Variants in SEMA3B observed in about 807,000 individuals in gnomAD.
SEMA3B encodes the protein semaphorin 3B.
A neutral mutation model predicts 77.8 loss-of-function variants in SEMA3B; 71 were observed. The observed-to-expected ratio is 0.91, with a 90% CI of 0.75 to 1.11. The LOEUF (loss-of-function observed/expected upper bound fraction) is 1.11. Ranked by LOEUF, SEMA3B falls within the 50% of genes most tolerant of loss-of-function variation. The pLI is 0.00. For synonymous variants in SEMA3B, 470 were observed against 452.9 expected (o/e 1.04, Z -0.48); for missense variants, 968 against 1,056.8 (o/e 0.92, Z 1.17).
rs782659663 is a variant in SEMA3B at position 50,273,866 on chromosome 3, G to A, written c.992+38G>A. The A allele has an allele frequency of 6.4e-7, 1 of 1,568,046 alleles. No individual in the cohort carries two copies. Among genetic ancestry groups the A allele is most frequent in the South Asian group, 1.2e-5 (1 of 86,664 alleles). On this transcript the variant is annotated intron_variant, in intron 9 of 16. Coordinates refer to ENST00000616701, the MANE Select transcript of SEMA3B (RefSeq NM_001290060.2). This position sits in a 1 kb window ranked among gnomAD's most constrained non-coding sequence, Gnocchi z 6.5. The stretch of plus-strand genomic sequence containing the variant: ...AGGTAGGGAGCGCCCGGGGCGGGCC[G>A]CTGGGCTCCACCCGGCCCCTCACCT...
upstream of SEMA3B, among the ~76,000 whole-genome samples, chr3:50,266,034 T>G (rs950550757): frequency 4.8e-3 from 719 of 149,450 alleles, 6 homozygotes; most frequent in African/African-American, 0.017. Context: ...GGCGGGGGGG[T>G]TTCTGATACC....
chr3:50,261,707 TC>T, the SEMA3B span: 1 of 152,248 alleles, frequency 6.6e-6, no homozygotes, highest in African/African-American at 2.4e-5. Context: ...CTGGAAGAAG[TC>T]CCATGTTCCA....
rs1259708572 is a variant in SEMA3B at position 50,270,652 on chromosome 3, C to A, written c.330+157C>A. The A allele has an allele frequency of 8.7e-7, 1 of 1,151,066 alleles. No homozygotes were observed. The highest frequency in any genetic ancestry group is 1.2e-6 in the Non-Finnish European group (1 of 822,414). 71.3% of individuals were successfully genotyped at this position (1,151,066 alleles called of 1,614,324 possible). A position where few individuals can be genotyped will look rare whatever the true frequency, so the allele number is the denominator to read the frequency against. Reference sequence around the variant, plus strand: ...GGGGTGGTGAGTCAGGGTGGGGGCTCGTGTAATTCTTCTGGGGTGCCTCTG... The same window carrying A: ...GGGGTGGTGAGTCAGGGTGGGGGCTAGTGTAATTCTTCTGGGGTGCCTCTG... On this transcript the variant is annotated intron_variant, in intron 3 of 16. Transcript: ENST00000616701. This position sits in a 1 kb window ranked among gnomAD's most constrained non-coding sequence, Gnocchi z 4.7.
Position 50,275,116 on chromosome 3 carries a change from C to A in SEMA3B, c.1491+63C>A. The A allele has an allele frequency of 6.6e-7, 1 of 1,517,246 alleles. No individual in the cohort carries two copies. The highest frequency in any genetic ancestry group is 1.3e-5 in the South Asian group (1 of 76,714). The allele number at this position is 1,517,246 out of a possible 1,614,324, so 94.0% of individuals were successfully genotyped here. On this transcript the variant is annotated intron_variant, in intron 13 of 16. Coordinates refer to ENST00000616701, the MANE Select transcript of SEMA3B (RefSeq NM_001290060.2). The surrounding 1 kb of genome is among the most constrained non-coding windows in gnomAD (Gnocchi z 7.5). ...GAGCTTGTGCCTGGCGCGTCCCAAG[C>A]CTCTGGCCCCTTTTGGTAGTTTGCA... is the stretch of plus-strand genomic sequence containing the variant.
chr3:50,262,790 T>A (rs1553704114), upstream of SEMA3B, among the ~76,000 whole-genome samples: 2 of 152,200 alleles, frequency 1.3e-5, no homozygotes, highest in African/African-American at 2.4e-5. Context: ...CCTGGGGGAC[T>A]GGGACAGGGT....
chr3:50,271,385 C>G lies in SEMA3B; in HGVS notation c.569C>G (p.Ala190Gly), dbSNP rs1275422094. ...GGGGAGGAGCTATACTCAGGGGTGGCAGCAGACCTCATGGGACGAGACTTT... is the reference window on the plus strand; with the variant it reads ...GGGGAGGAGCTATACTCAGGGGTGGGAGCAGACCTCATGGGACGAGACTTT... ...LVGEELYSGVAADLMGRDFTI... is the reference protein window; with the variant it reads ...LVGEELYSGVGADLMGRDFTI... Residue 190 changes from alanine (A) to glycine (G), a missense_variant, in exon 6 of 17, where the codon GCA becomes GGA. By Grantham distance (60) the Ala-to-Gly change is moderately conservative. Transcript: ENST00000616701. 1.3e-6 allele frequency: 2 copies of G among 1,586,214 alleles called. No individual in the cohort carries two copies. The highest frequency in any genetic ancestry group is 1.7e-6 in the Non-Finnish European group (2 of 1,166,420).
Position 50,276,467 on chromosome 3 carries a change from C to T in SEMA3B, c.2011C>T (p.Leu671=). Residue 671 remains leucine (L), a synonymous_variant, in exon 17 of 17, where the codon CTG becomes TTG. Coordinates refer to ENST00000616701, the MANE Select transcript of SEMA3B (RefSeq NM_001290060.2). The surrounding 1 kb of genome is among the most constrained non-coding windows in gnomAD (Gnocchi z 5.8). ...GTTGAGTGCTACGCAGGCCGAACGACTGGCGCGGGCCGAGGAGGCTGCGCC... is the reference window on the plus strand; with the variant it reads ...GTTGAGTGCTACGCAGGCCGAACGATTGGCGCGGGCCGAGGAGGCTGCGCC... The part of the protein sequence containing the change: ...HVLSATQAER[L]ARAEEAAPAA... The T allele has an allele frequency of 1.3e-6, 2 of 1,532,324 alleles. No homozygotes were observed. The allele number at this position is 1,532,324 out of a possible 1,614,324, so 94.9% of individuals were successfully genotyped here. A position where few individuals can be genotyped will look rare whatever the true frequency, so the allele number is the denominator to read the frequency against.
Position 50,276,509 on chromosome 3 carries a change from C to T in SEMA3B, c.2053C>T (p.Pro685Ser). 6.5e-7 allele frequency: 1 copy of T among 1,532,648 alleles called. No individual in the cohort carries two copies. The allele number at this position is 1,532,648 out of a possible 1,614,324, so 94.9% of individuals were successfully genotyped here. The change falls in exon 17 of 17, where the codon CCC (proline) becomes TCC (serine). Residue 685 changes from proline to serine, a missense_variant. Physicochemically the swap from Pro to Ser is moderately conservative, Grantham distance 74. Coordinates refer to ENST00000616701, the MANE Select transcript of SEMA3B (RefSeq NM_001290060.2). The surrounding 1 kb of genome is among the most constrained non-coding windows in gnomAD (Gnocchi z 5.8). ...EEAAPAAPPG[P>S]KLWYRDFLQL... ...GGCTGCGCCCGCCGCGCCGCCGGGC[C>T]CCAAACTCTGGTACCGGGACTTTCT... is the stretch of plus-strand genomic sequence containing the variant.
At chr3:50,266,113 G>A (rs916847081), upstream of SEMA3B, among the ~76,000 whole-genome samples, 1 of 152,170 alleles carries the variant, frequency 6.6e-6, no homozygotes, top group Non-Finnish European at 1.5e-5. Context: ...CCCTGGGCCT[G>A]GAAAAACATA....
Position 50,271,168 on chromosome 3 carries a change from C to A in SEMA3B, c.531C>A (p.Ala177=). The A allele has an allele frequency of 6.3e-7, 1 of 1,575,230 alleles. No homozygotes were observed. Among genetic ancestry groups the A allele is most frequent in the East Asian group, 2.3e-5 (1 of 42,870 alleles). Reference sequence around the variant, plus strand: ...CTTATGACCCCAGGCATCGGGCTGCCTCCGTGCTGGTGGGTGAGTCCAAGG... The same window carrying A: ...CTTATGACCCCAGGCATCGGGCTGCATCCGTGCTGGTGGGTGAGTCCAAGG... ...KSPYDPRHRA[A]SVLVGEELYS... Residue 177 remains alanine, a synonymous_variant, in exon 5 of 17, where the codon GCC becomes GCA. Transcript: ENST00000616701.
Position 50,270,466 on chromosome 3 carries a change from G to A in SEMA3B, c.301G>A (p.Glu101Lys). 6.2e-7 allele frequency: 1 copy of A among 1,613,724 alleles called. No individual in the cohort carries two copies. Among genetic ancestry groups the A allele is most frequent in the Non-Finnish European group, 8.5e-7 (1 of 1,179,870 alleles). ...AWPAPVEWRE[E>K]CNWAGKDIGT... ...GCCGGCCCCTGTGGAATGGCGAGAG[G>A]AGTGCAACTGGGCAGGGAAGGACAT... Residue 101 changes from glutamate (E) to lysine (K), a missense_variant, in exon 3 of 17, where the codon GAG becomes AAG. Glu to Lys is a moderately conservative substitution (Grantham distance 56). Transcript: ENST00000616701. The surrounding 1 kb of genome is among the most constrained non-coding windows in gnomAD (Gnocchi z 4.7).
chr3:50,266,743 G>A (rs1226747558), upstream of SEMA3B: 1 of 152,170 alleles, frequency 6.6e-6, no homozygotes, highest in Admixed American at 6.5e-5. Context: ...TTACAAATGG[G>A]GCACGTTCAC....
Position 50,276,401 on chromosome 3 carries a change from C to G in SEMA3B, c.1945C>G (p.Gln649Glu). ...CGTGTACTTGTGCGCCGCCGTCGAG[C>G]AGGGCTTTACGCAACCGCTGCGTCG... is the stretch of plus-strand genomic sequence containing the variant. ...SGVYLCAAVE[Q>E]GFTQPLRRLS... The change falls in exon 17 of 17, where the codon CAG becomes GAG. Residue 649 changes from glutamine (Q) to glutamate (E), a missense_variant. Gln to Glu is a conservative substitution (Grantham distance 29, BLOSUM62 2). Coordinates refer to ENST00000616701, the MANE Select transcript of SEMA3B (RefSeq NM_001290060.2). This position sits in a 1 kb window ranked among gnomAD's most constrained non-coding sequence, Gnocchi z 5.8. 1 of 1,536,606 alleles carries G rather than the reference C, an allele frequency of 6.5e-7. No individual in the cohort carries two copies. The highest frequency in any genetic ancestry group is 8.7e-7 in the Non-Finnish European group (1 of 1,145,872).
At position 50,270,052 on chromosome 3, in the gene SEMA3B, G is replaced by A; in HGVS notation, c.110-75G>A. The A allele has an allele frequency of 7.0e-7, 1 of 1,435,718 alleles. No homozygotes were observed. The highest frequency in any genetic ancestry group is 9.2e-7 in the Non-Finnish European group (1 of 1,088,672). The allele number at this position is 1,435,718 out of a possible 1,614,324, so 88.9% of individuals were successfully genotyped here. A position where few individuals can be genotyped will look rare whatever the true frequency, so the allele number is the denominator to read the frequency against. ...GTCCTAATGGCAACCTTGGCCGATAGAGTCACCACCAGGCAGGACCTGGGG... is the reference window on the plus strand; with the variant it reads ...GTCCTAATGGCAACCTTGGCCGATAAAGTCACCACCAGGCAGGACCTGGGG... On this transcript the variant is annotated intron_variant, in intron 1 of 16. Coordinates refer to ENST00000616701, the MANE Select transcript of SEMA3B (RefSeq NM_001290060.2). The surrounding 1 kb of genome is among the most constrained non-coding windows in gnomAD (Gnocchi z 4.7).
At position 50,276,494 on chromosome 3, in the gene SEMA3B, G is replaced by C. The variant is rs957352667; in HGVS notation, c.2038G>C (p.Ala680Pro). 4 of 1,531,582 alleles carry C rather than the reference G, an allele frequency of 2.6e-6. No homozygotes were observed. In the Admixed American group the frequency reaches 7.9e-5, roughly 30 times the overall value. The allele number at this position is 1,531,582 out of a possible 1,614,324, so 94.9% of individuals were successfully genotyped here. Reference sequence around the variant, plus strand: ...GGCGCGGGCCGAGGAGGCTGCGCCCGCCGCGCCGCCGGGCCCCAAACTCTG... The same window carrying C: ...GGCGCGGGCCGAGGAGGCTGCGCCCCCCGCGCCGCCGGGCCCCAAACTCTG... ...RLARAEEAAPAAPPGPKLWYR... is the reference protein window; with the variant it reads ...RLARAEEAAPPAPPGPKLWYR... Residue 680 changes from alanine to proline, a missense_variant, in exon 17 of 17, where the codon GCC (alanine) becomes CCC (proline). By Grantham distance (27) the Ala-to-Pro change is conservative (BLOSUM62 -1). Transcript: ENST00000616701. The surrounding 1 kb of genome is among the most constrained non-coding windows in gnomAD (Gnocchi z 5.8).
chr3:50,270,764 T>C lies in SEMA3B; in HGVS notation c.331-126T>C, dbSNP rs587734575. 15 of 1,451,832 alleles carry C rather than the reference T, an allele frequency of 1.0e-5. 1 individual carries two copies. In the African/African-American group the frequency reaches 1.4e-4, roughly 14 times the overall value. 89.9% of individuals were successfully genotyped at this position (1,451,832 alleles called of 1,614,324 possible). On this transcript the variant is annotated intron_variant, in intron 3 of 16. Transcript: ENST00000616701. This position sits in a 1 kb window ranked among gnomAD's most constrained non-coding sequence, Gnocchi z 4.7. ...TGGTCAGCAAGGGCCCCCAGGTCCC[T>C]GTAGCCCATGTTAGTACTTGCCTGG...
chr3:50,271,264 G>A, intron 5 of SEMA3B, 83 bp downstream of exon 5: 2 of 1,546,318 alleles, frequency 1.3e-6, no homozygotes, highest in Non-Finnish European at 1.7e-6. Context: ...AAGAGCTCCA[G>A]GGAATCCCCC....
At chr3:50,263,800 T>G, upstream of SEMA3B, among the ~76,000 whole-genome samples, 1 of 149,448 alleles carries the variant, frequency 6.7e-6, no homozygotes, top group African/African-American at 2.5e-5. Context: ...GACTGAGGAG[T>G]CCCCACCCAG....
In SEMA3B at chr3:50,270,525, G is replaced by C. The variant is rs41291726; in HGVS notation, c.330+30G>C. ...GTGCCAGCTGCCCGGGCCGGGAGTG[G>C]GGAGGGTCAGCCCCTCACCCCAGAG... On this transcript the variant is annotated intron_variant, in intron 3 of 16. Coordinates refer to ENST00000616701, the MANE Select transcript of SEMA3B (RefSeq NM_001290060.2). The surrounding 1 kb of genome is among the most constrained non-coding windows in gnomAD (Gnocchi z 4.7). 1.9e-6 allele frequency: 3 copies of C among 1,613,052 alleles called. No individual in the cohort carries two copies. The highest frequency in any genetic ancestry group is 4.5e-5 in the East Asian group (2 of 44,866).
Sources: allele counts gnomAD v4.1 joint callset (sites outside exome capture counted in the v4.1 genomes callset), GRCh38; gene constraint gnomAD v4.1.1; non-coding constraint Gnocchi (gnomAD v3.1); transcripts MANE v1.5; gene names NCBI Gene and HGNC (gene_info 2026-07-23, HGNC 2026-07-21).